Variants in MACROD2 observed in about 807,000 individuals in gnomAD.
The protein encoded by MACROD2 is mono-ADP ribosylhydrolase 2.
In MACROD2, 36 loss-of-function variants were observed where a neutral mutation model predicts 70.4. That is an observed-to-expected ratio of 0.51 (90% CI 0.39 to 0.68). The LOEUF is 0.68. Among genes scored for constraint, MACROD2 ranks in the 30% least tolerant of loss-of-function variants. The pLI is 0.00. For missense variants in MACROD2, 496 were observed against 538.4 expected, an observed-to-expected ratio of 0.92 and a Z score of 0.78; for synonymous variants, 172 against 178.8, an observed-to-expected ratio of 0.96 and a Z score of 0.30.
At chr20:14,970,294 A>G (rs1290967206) in intron 5 of MACROD2, among the ~76,000 whole-genome samples, 1 of 152,212 alleles carries the variant, frequency 6.6e-6, no homozygotes, top group African/African-American at 2.4e-5. Context: ...GGGTGGGAAC[A>G]CAGTCAAACT....
chr20:14,714,950 AAATAT>A, intron 5 of MACROD2, among the ~76,000 whole-genome samples: 1 of 152,216 alleles, frequency 6.6e-6, no homozygotes, highest in South Asian at 2.1e-4. Flanking sequence ...GACTCTCAAT[AAATAT>A]AATATAGTGG....
intron 8 of MACROD2, among the ~76,000 whole-genome samples, chr20:15,749,900 C>A (rs1054771995): frequency 6.6e-6 from 1 of 151,982 alleles, no homozygotes; most frequent in Non-Finnish European, 1.5e-5. Flanking sequence ...TATGAAACTA[C>A]CAGAAGAAGA....
intron 5 of MACROD2, among the ~76,000 whole-genome samples, chr20:15,105,005 G>C (rs1368322764): frequency 1.3e-5 from 2 of 152,016 alleles, no homozygotes; most frequent in Non-Finnish European, 2.9e-5. Flanking sequence ...TTATTGATCT[G>C]CATGCAGCGT....
chr20:15,904,146 C>A (rs1277867816), intron 10 of MACROD2, among the ~76,000 whole-genome samples: 1 of 152,158 alleles, frequency 6.6e-6, no homozygotes, highest in Non-Finnish European at 1.5e-5. Flanking sequence ...TAGTAGCGCA[C>A]CCCGAGGCCA....
At chr20:14,449,106 A>T (rs1012486235) in intron 3 of MACROD2, among the ~76,000 whole-genome samples, 1 of 151,950 alleles carries the variant, frequency 6.6e-6, no homozygotes, top group Non-Finnish European at 1.5e-5. Flanking sequence ...GCTTGCTTTA[A>T]CTAAGAAGGT....
In MACROD2 at chr20:15,161,190, A is replaced by G. The variant is rs545375233; in HGVS notation, c.419-68750A>G. Among the ~76,000 whole-genome samples, 21 of 152,108 alleles carry G rather than the reference A, an allele frequency of 1.4e-4. No homozygotes were observed. The East Asian group carries it at 3.9e-3, about 28-fold the overall frequency. ...CTTCAGCTGGCTGTAACAAGAATTA[A>G]ATTAGATAAATCTGAAAATGATTAA... On this transcript the variant is annotated intron_variant, in intron 5 of 17. Coordinates refer to ENST00000684519, the MANE Select transcript of MACROD2 (RefSeq NM_001351661.2).
intron 3 of MACROD2, among the ~76,000 whole-genome samples, chr20:14,411,284 A>C (rs1341205330): frequency 2.6e-5 from 4 of 152,078 alleles, no homozygotes; most frequent in Non-Finnish European, 5.9e-5. Context: ...AACTCTAAGA[A>C]ATCTATCACA....
intron 5 of MACROD2, among the ~76,000 whole-genome samples, chr20:15,045,451 AAG>A (rs2075385805): frequency 6.6e-6 from 1 of 152,172 alleles, no homozygotes; most frequent in South Asian, 2.1e-4. Context: ...CCGGGGGAGA[AAG>A]AGTGCTTGCA....
At chr20:14,948,295 T>G (rs2074449078) in intron 5 of MACROD2, among the ~76,000 whole-genome samples, 2 of 152,160 alleles carry the variant, frequency 1.3e-5, no homozygotes, top group Admixed American at 6.5e-5. Flanking sequence ...AACCAAATAT[T>G]TTCATTTCTT....
intron 5 of MACROD2, among the ~76,000 whole-genome samples, chr20:14,723,946 G>T (rs953008057): frequency 3.3e-5 from 5 of 152,140 alleles, no homozygotes; most frequent in Admixed American, 6.5e-5. Context: ...TTTGAAAATT[G>T]TATTCTGTTG....
At chr20:14,404,230 A>C (rs151257525) in intron 3 of MACROD2, among the ~76,000 whole-genome samples, 1 of 152,284 alleles carries the variant, frequency 6.6e-6, no homozygotes, top group East Asian at 1.9e-4. Flanking sequence ...CCAGAATGAG[A>C]TAATAAGAGA....
intron 8 of MACROD2, among the ~76,000 whole-genome samples, chr20:15,577,231 C>G (rs769202689): frequency 6.6e-6 from 1 of 151,536 alleles, no homozygotes; most frequent in Non-Finnish European, 1.5e-5. Flanking sequence ...CAAATGTATA[C>G]CAAAGCAGAG....
chr20:15,545,599 T>G (rs568376540), intron 8 of MACROD2, among the ~76,000 whole-genome samples: 3 of 152,262 alleles, frequency 2.0e-5, no homozygotes, highest in East Asian at 3.9e-4. Context: ...TTTGGCCATA[T>G]GTAGTAGTGG....
At chr20:14,220,912 G>A (rs577011540) in intron 3 of MACROD2, among the ~76,000 whole-genome samples, 3 of 152,262 alleles carry the variant, frequency 2.0e-5, no homozygotes, top group African/African-American at 7.2e-5. Flanking sequence ...GCTTTTTTCA[G>A]AGGGTCTGTG....
intron 5 of MACROD2, among the ~76,000 whole-genome samples, chr20:14,953,609 T>C (rs2074493601): frequency 6.6e-6 from 1 of 152,098 alleles, no homozygotes; most frequent in South Asian, 2.1e-4. Flanking sequence ...CCGGCCTCAT[T>C]GTTTAAAAAA....
chr20:14,596,412 CAT>C (rs5840627), intron 4 of MACROD2, among the ~76,000 whole-genome samples: 7,802 of 142,888 alleles, frequency 0.055, 426 homozygotes, highest in African/African-American at 0.14. Flanking sequence ...ATTTTTTAAA[CAT>C]ATATATATAT....
intron 3 of MACROD2, among the ~76,000 whole-genome samples, chr20:14,180,788 A>G (rs2081299261): frequency 6.6e-6 from 1 of 152,142 alleles, no homozygotes; most frequent in Non-Finnish European, 1.5e-5. Context: ...TCTTAAAAGA[A>G]TGTTAATAGT....
chr20:15,986,968 GA>G (rs2066493279), intron 14 of MACROD2, 97 bp from the exon 15 acceptor site: 3 of 1,231,180 alleles, frequency 2.4e-6, no homozygotes, highest in South Asian at 1.4e-5. Context: ...CTTGAAGGGG[GA>G]AAAAAGAACT....
chr20:15,470,637 C>T (rs1052198525), intron 7 of MACROD2, among the ~76,000 whole-genome samples: 6 of 152,162 alleles, frequency 3.9e-5, no homozygotes, highest in Non-Finnish European at 8.8e-5. Context: ...TGGGCTCTCC[C>T]TTTCCACCCT....
Sources: gnomAD v4.1 joint callset for allele counts (sites outside exome capture counted in the v4.1 genomes callset) on GRCh38, gnomAD v4.1.1 for gene constraint, MANE v1.5 for transcripts, NCBI Gene and HGNC (gene_info 2026-07-23, HGNC 2026-07-21) for gene names.